Variants in SLCO3A1 observed in about 807,000 individuals in gnomAD.
SLCO3A1 encodes the protein PGE1 transporter.
Under a neutral mutation model 63.1 loss-of-function variants are expected in SLCO3A1, and 27 were observed. The observed-to-expected ratio is 0.43, with a 90% CI of 0.32 to 0.59. The LOEUF is 0.59. SLCO3A1 is among the 20% of genes least tolerant of loss of function. SLCO3A1 has a pLI of 0.09. For missense variants in SLCO3A1, 773 were observed against 945.8 expected (o/e 0.82, Z 2.40); for synonymous variants, 473 against 409.9 (o/e 1.15, Z -1.86).
In SLCO3A1 at chr15:91,863,704, T is replaced by A. The variant is rs1156943974; in HGVS notation, c.180+9616T>A. Reference sequence around the variant, plus strand: ...GGAGTGATGATTGAGGAGAAGAAACTTAAAGGGAGCCAGGCCCATGAAATA... The same window carrying A: ...GGAGTGATGATTGAGGAGAAGAAACATAAAGGGAGCCAGGCCCATGAAATA... On this transcript the variant is annotated intron_variant, in intron 1 of 9. Coordinates refer to ENST00000318445, the MANE Select transcript of SLCO3A1 (RefSeq NM_013272.4). The surrounding 1 kb of genome is among the most constrained non-coding windows in gnomAD (Gnocchi z 4.3). Among the ~76,000 whole-genome samples, 1 of 152,090 alleles carries A rather than the reference T, an allele frequency of 6.6e-6. No homozygotes were observed.
At chr15:92,077,338 G>A (rs1034831118) in intron 2 of SLCO3A1, among the ~76,000 whole-genome samples, 17 of 152,116 alleles carry the variant, frequency 1.1e-4, no homozygotes, top group African/African-American at 3.4e-4. Context: ...TGGGCTTTTC[G>A]GAGATGGTCA....
chr15:92,119,888 G>C (rs2047841550), intron 4 of SLCO3A1, among the ~76,000 whole-genome samples: 2 of 152,330 alleles, frequency 1.3e-5, no homozygotes, highest in African/African-American at 4.8e-5. Flanking sequence ...AATTTTGCCA[G>C]AGAGGTAGCC....
chr15:92,016,238 T>TAGATAGAG (rs2046428427), intron 2 of SLCO3A1, among the ~76,000 whole-genome samples: 1 of 59,164 alleles, frequency 1.7e-5, no homozygotes, highest in African/African-American at 1.0e-4. Flanking sequence ...GATAGATAGA[T>TAGATAGAG]AGATAGATAG....
intron 2 of SLCO3A1, among the ~76,000 whole-genome samples, chr15:92,000,733 A>T (rs941877957): frequency 6.6e-6 from 1 of 152,242 alleles, no homozygotes; most frequent in Non-Finnish European, 1.5e-5. Flanking sequence ...AGAAACTGTT[A>T]GAAATCTGTC....
intron 2 of SLCO3A1, among the ~76,000 whole-genome samples, chr15:91,972,231 G>A (rs2151429647): frequency 6.6e-6 from 1 of 152,252 alleles, no homozygotes; most frequent in South Asian, 2.1e-4. Flanking sequence ...TCAGACAGGT[G>A]GCTGCGCTGG....
Position 91,926,596 on chromosome 15 carries a change from T to TGTGTGC in SLCO3A1, c.646+10139_646+10140insTGTGCG. Among the ~76,000 whole-genome samples, 596 of 105,270 alleles carry TGTGTGC rather than the reference T, an allele frequency of 5.7e-3. 8 individuals are homozygous for TGTGTGC. The highest frequency in any genetic ancestry group is 0.043 in the East Asian group (164 of 3,792). The allele number at this position is 105,270 out of a possible 152,430, so 69.1% of individuals were successfully genotyped here. A position where few individuals can be genotyped will look rare whatever the true frequency, so the allele number is the denominator to read the frequency against. ...GTGTGTGTGTGTGTGTGTGTGTGTG[T>TGTGTGC]GCGCGCGCGCACGCCCATGCTTATT... On this transcript the variant is annotated intron_variant, in intron 2 of 9. Coordinates refer to ENST00000318445, the MANE Select transcript of SLCO3A1 (RefSeq NM_013272.4).
chr15:91,967,069 G>C lies in SLCO3A1; in HGVS notation c.646+50611G>C, dbSNP rs1900687493. On this transcript the variant is annotated intron_variant, in intron 2 of 9. Coordinates refer to ENST00000318445, the MANE Select transcript of SLCO3A1 (RefSeq NM_013272.4). The surrounding 1 kb of genome is among the most constrained non-coding windows in gnomAD (Gnocchi z 4.4). The stretch of plus-strand genomic sequence containing the variant: ...CTGCTTTCAGATAACTTTATAAAGG[G>C]CTTTAAAACTGTCTTTGTAAATGAT... 6.6e-6 allele frequency among the ~76,000 whole-genome samples: 1 copy of C among 152,034 alleles called. No individual in the cohort carries two copies. Among genetic ancestry groups the C allele is most frequent in the Non-Finnish European group, 1.5e-5 (1 of 68,018 alleles).
At chr15:91,869,703 A>G (rs574448748) in intron 1 of SLCO3A1, among the ~76,000 whole-genome samples, 5 of 152,100 alleles carry the variant, frequency 3.3e-5, no homozygotes, top group Admixed American at 1.3e-4. Flanking sequence ...TATTTCAACA[A>G]CAACAACAAA....
chr15:91,961,443 T>C (rs943291766), intron 2 of SLCO3A1, among the ~76,000 whole-genome samples: 3 of 152,246 alleles, frequency 2.0e-5, no homozygotes, highest in Non-Finnish European at 2.9e-5. Flanking sequence ...AACAGCTCTC[T>C]GGTTCTACTC....
chr15:91,897,735 A>G lies in SLCO3A1; in HGVS notation c.181-18258A>G, dbSNP rs1898042829. ...TGCTCCCATGTGCTAGGCTGAGTCT[A>G]CCCTGCAGCGTGGGCTCCAGCAGCA... On this transcript the variant is annotated intron_variant, in intron 1 of 9. Transcript: ENST00000318445. The surrounding 1 kb of genome is among the most constrained non-coding windows in gnomAD (Gnocchi z 4.7). Among the ~76,000 whole-genome samples, 1 of 152,128 alleles carries G rather than the reference A, an allele frequency of 6.6e-6. No individual in the cohort carries two copies. The highest frequency in any genetic ancestry group is 2.4e-5 in the African/African-American group (1 of 41,414).
At chr15:92,086,291 G>A (rs1238117720) in intron 2 of SLCO3A1, among the ~76,000 whole-genome samples, 1 of 152,304 alleles carries the variant, frequency 6.6e-6, no homozygotes, top group East Asian at 1.9e-4. Flanking sequence ...ACTTGGTAGT[G>A]TCAGACTCTT....
intron 1 of SLCO3A1, among the ~76,000 whole-genome samples, chr15:91,873,898 G>T (rs1018788758): frequency 1.3e-5 from 2 of 151,972 alleles, no homozygotes; most frequent in African/African-American, 4.8e-5. Flanking sequence ...CTATGATTTT[G>T]TGTCATTTCC....
At chr15:91,986,899 C>G (rs550290106) in intron 2 of SLCO3A1, among the ~76,000 whole-genome samples, 14 of 152,280 alleles carry the variant, frequency 9.2e-5, no homozygotes, top group Middle Eastern at 3.4e-3. Context: ...AGAAGGGTAT[C>G]TCCATTTGTA....
chr15:92,038,233 G>A (rs2046751939), intron 2 of SLCO3A1, among the ~76,000 whole-genome samples: 1 of 152,276 alleles, frequency 6.6e-6, no homozygotes, highest in Admixed American at 6.5e-5. Context: ...TGGTTGGCCA[G>A]GAGAAAATAT....
intron 2 of SLCO3A1, among the ~76,000 whole-genome samples, chr15:91,947,569 G>C (rs913806575): frequency 1.3e-5 from 2 of 152,148 alleles, no homozygotes; most frequent in African/African-American, 4.8e-5. Context: ...GGTCATTGTG[G>C]GCAGGAAGTA....
chr15:91,871,403 T>C (rs1371965063), intron 1 of SLCO3A1, among the ~76,000 whole-genome samples: 1 of 152,196 alleles, frequency 6.6e-6, no homozygotes, highest in Non-Finnish European at 1.5e-5. Flanking sequence ...TCTGGCAGTA[T>C]TCTGTGGCCT....
chr15:92,030,974 C>G (rs2046640159), intron 2 of SLCO3A1, among the ~76,000 whole-genome samples: 1 of 131,986 alleles, frequency 7.6e-6, no homozygotes. Context: ...ATAAATGCAC[C>G]TGTAGCTGCA....
At chr15:91,855,029 A>T (rs562824994) in intron 1 of SLCO3A1, among the ~76,000 whole-genome samples, 8 of 152,088 alleles carry the variant, frequency 5.3e-5, no homozygotes, top group Non-Finnish European at 8.8e-5. Context: ...TAAACGGGAA[A>T]TTTTTTTTGA....
intron 1 of SLCO3A1, among the ~76,000 whole-genome samples, chr15:91,858,125 T>TA (rs1418028228): frequency 2.0e-5 from 3 of 152,090 alleles, no homozygotes; most frequent in Non-Finnish European, 4.4e-5. Flanking sequence ...CTTTTTTTTT[T>TA]CTAAAGAAAC....
Sources: allele counts gnomAD v4.1 joint callset (sites outside exome capture counted in the v4.1 genomes callset), GRCh38; gene constraint gnomAD v4.1.1; non-coding constraint Gnocchi (gnomAD v3.1); transcripts MANE v1.5; gene names NCBI Gene and HGNC (gene_info 2026-07-23, HGNC 2026-07-21).